ABCA7: variants seen among roughly 807,000 people sequenced by gnomAD.
The protein encoded by ABCA7 is phospholipid-transporting ATPase ABCA7.
ABCA7 carries 261 observed loss-of-function variants against 227.6 expected under a neutral mutation model. The observed-to-expected ratio is 1.15, with a 90% CI of 1.04 to 1.27. ABCA7 has a LOEUF of 1.27. Among genes scored for constraint, ABCA7 ranks in the 50% most tolerant of loss-of-function variants. ABCA7 has a pLI of 0.00. For synonymous variants in ABCA7, 1,488 were observed against 1,279.7 expected (o/e 1.16, Z -3.47); for missense variants, 3,331 against 2,924.5 (o/e 1.14, Z -3.21).
chr19:1,046,817 G>A lies in ABCA7; in HGVS notation c.1638G>A (p.Leu546=), dbSNP rs1478094094. 2.0e-6 allele frequency: 3 copies of A among 1,538,282 alleles called. No individual in the cohort carries two copies. In the South Asian group the frequency reaches 3.6e-5, roughly 18 times the overall value. The change falls in exon 14 of 47, where the codon CTG becomes CTA. Residue 546 remains leucine, a synonymous_variant. Transcript: ENST00000263094. ...CYVDDVFLRV[L]SRSLPLFLTL... ...CCCACCCCAGGTTCCTGCGTGTGCT[G>A]AGCCGGTCGCTGCCGCTCTTCCTGA...
intron 12 of ABCA7, 73 bp downstream of exon 12, chr19:1,045,304 C>T: frequency 7.3e-7 from 1 of 1,374,404 alleles, no homozygotes; most frequent in South Asian, 1.3e-5. Flanking sequence ...GGCCAGGCAG[C>T]ATTCAGCCTA....
At chr19:1,059,770 G>A (rs1178849463) in intron 40 of ABCA7, among the ~76,000 whole-genome samples, 1 of 151,316 alleles carries the variant, frequency 6.6e-6, no homozygotes, top group African/African-American at 2.4e-5. Flanking sequence ...CACCATATTA[G>A]CCAGGATGGT....
At position 1,043,435 on chromosome 19, in the gene ABCA7, G is replaced by A; in HGVS notation, c.892G>A (p.Ala298Thr). The change falls in exon 9 of 47, where the codon GCA becomes ACA. Residue 298 changes from alanine (A) to threonine (T), a missense_variant. Ala to Thr is a moderately conservative substitution (Grantham distance 58). Coordinates refer to ENST00000263094, the MANE Select transcript of ABCA7 (RefSeq NM_019112.4). ...TCTGATCCTCGGGAAGCTACTCTTTGCACCAGATACACCTTTTACCCGGAA... is the reference window on the plus strand; with the variant it reads ...TCTGATCCTCGGGAAGCTACTCTTTACACCAGATACACCTTTTACCCGGAA... ...KPLILGKLLF[A>T]PDTPFTRKLM... 1 of 1,613,418 alleles carries A rather than the reference G, an allele frequency of 6.2e-7. No individual in the cohort carries two copies. The highest frequency in any genetic ancestry group is 8.5e-7 in the Non-Finnish European group (1 of 1,180,028).
rs757196855 is a variant in ABCA7 at position 1,057,933 on chromosome 19, C to T, written c.4899C>T (p.Leu1633=). ...CCTTCAGCTGGTCGATCACACCGCT[C>T]ATGTACCCAGCCTCCTTCTTCTTCT... ...LLLYGWSITP[L]MYPASFFFSV... is the part of the protein sequence containing the mutation. The change falls in exon 36 of 47, where the codon CTC becomes CTT. Residue 1633 remains leucine, a synonymous_variant. Transcript: ENST00000263094. The T allele has an allele frequency of 4.3e-6, 7 of 1,614,078 alleles. No homozygotes were observed. The highest frequency in any genetic ancestry group is 1.6e-4 in the Middle Eastern group (1 of 6,062).
chr19:1,051,396 C>G (rs1431565461), intron 20 of ABCA7, 53 bp from the exon 21 acceptor site: 4 of 716,234 alleles, frequency 5.6e-6, no homozygotes, highest in Admixed American at 8.5e-5. Context: ...GGGTAGGCAA[C>G]CTTGCCCAAG....
In ABCA7 at chr19:1,064,801, G is replaced by T. The variant is rs565880304; in HGVS notation, c.6045-130G>T. ...GCGGGGGGTGGCGGGGGACTGAGAC[G>T]GGAGGACCACTTGATCGCTAGGGTA... is the stretch of plus-strand genomic sequence containing the variant. On this transcript the variant is annotated intron_variant, in intron 45 of 46. Transcript: ENST00000263094. The T allele has an allele frequency of 8.0e-6, 11 of 1,380,772 alleles. No homozygotes were observed. In the South Asian group the frequency reaches 1.7e-4, roughly 22 times the overall value. The allele number at this position is 1,380,772 out of a possible 1,614,324, so 85.5% of individuals were successfully genotyped here.
intron 25 of ABCA7, 49 bp downstream of exon 25, chr19:1,053,885 G>GAGGCCAGGTCCCCATCCCTGGCTT (rs1366897810): frequency 1.6e-5 from 25 of 1,597,024 alleles, no homozygotes; most frequent in Non-Finnish European, 2.1e-5. Context: ...AGTGGGACCA[G>GAGGCCAGGTCCCCATCCCTGGCTT]AGGCCAGGTC....
chr19:1,064,416 A>G (rs931315853), intron 45 of ABCA7, among the ~76,000 whole-genome samples, 163 bp downstream of exon 45: 5 of 151,676 alleles, frequency 3.3e-5, no homozygotes, highest in African/African-American at 1.2e-4. Flanking sequence ...GGGGCGAGAC[A>G]GGCTGGGGTG....
rs776405544 is a variant in ABCA7, at chr19:1,041,907, C to T, written c.237C>T (p.Asn79=). Residue 79 remains asparagine, a synonymous_variant, in exon 4 of 47, where the codon AAC becomes AAT. Transcript: ENST00000263094. Reference sequence around the variant, plus strand: ...AGGGTCTCATCTGTAATGTGAACAACACCTGCTTTCCGCAGCTGACACCGG... The same window carrying T: ...AGGGTCTCATCTGTAATGTGAACAATACCTGCTTTCCGCAGCTGACACCGG... ...WLQGLICNVN[N]TCFPQLTPGE... 1.9e-6 allele frequency: 3 copies of T among 1,601,518 alleles called. No individual in the cohort carries two copies. Among genetic ancestry groups the T allele is most frequent in the Non-Finnish European group, 2.5e-6 (3 of 1,178,716 alleles).
intron 45 of ABCA7, 99 bp from the exon 46 acceptor site, chr19:1,064,832 A>T: frequency 7.0e-7 from 1 of 1,437,908 alleles, no homozygotes; most frequent in Non-Finnish European, 9.1e-7. Context: ...GGGTAGTACA[A>T]GTATGGGGCG....
Position 1,053,459 on chromosome 19 carries a change from C to A in ABCA7, c.3351C>A (p.Phe1117Leu). The change falls in exon 24 of 47, where the codon TTC (phenylalanine) becomes TTA (leucine). Residue 1117 changes from phenylalanine to leucine, a missense_variant. By Grantham distance (22) the Phe-to-Leu change is conservative. Transcript: ENST00000263094. The stretch of plus-strand genomic sequence containing the variant: ...ATGACGGCAGCTTCGCCACACTCTT[C>A]CGAGAGCTAGACACGCGGCTGGCGG... ...GAHDGSFATL[F>L]RELDTRLAEL... The A allele has an allele frequency of 6.3e-7, 1 of 1,599,882 alleles. No individual in the cohort carries two copies. Among genetic ancestry groups the A allele is most frequent in the Non-Finnish European group, 8.5e-7 (1 of 1,175,234 alleles).
rs1339114885 is a variant in ABCA7 at position 1,056,359 on chromosome 19, C to T, written c.4446C>T (p.Ser1482=). Residue 1482 remains serine (S), a synonymous_variant, in exon 33 of 47, where the codon TCC becomes TCT. Transcript: ENST00000263094. This position sits in a 1 kb window ranked among gnomAD's most constrained non-coding sequence, Gnocchi z 4.3. ...GGTTCAACAACAAAGGCTGGCACTC[C>T]ATGGTGGCCTTTGTCAACCGAGCCA... is the stretch of plus-strand genomic sequence containing the variant. The part of the protein sequence containing the change: ...KIWFNNKGWH[S]MVAFVNRASN... 7 of 1,613,402 alleles carry T rather than the reference C, an allele frequency of 4.3e-6. No homozygotes were observed. Among genetic ancestry groups the T allele is most frequent in the Non-Finnish European group, 5.9e-6 (7 of 1,179,986 alleles).
rs2042988421 is a variant in ABCA7, at chr19:1,065,489, A to G, written c.*64A>G. The G allele has an allele frequency of 1.9e-6, 3 of 1,575,988 alleles. No homozygotes were observed. The highest frequency in any genetic ancestry group is 2.6e-6 in the Non-Finnish European group (3 of 1,154,974). On this transcript the variant is annotated 3_prime_UTR_variant, in exon 47 of 47. Transcript: ENST00000263094. ...ATGGCAAGGGCAAGGTAGAGTGCCT[A>G]GGAGCCCTGGACTCAGGCTGGCAGA...
intron 35 of ABCA7, among the ~76,000 whole-genome samples, chr19:1,057,635 C>G (rs74567454): frequency 0.038 from 5,780 of 152,132 alleles, 370 homozygotes; most frequent in African/African-American, 0.13. Flanking sequence ...AGTTCTAAGG[C>G]AGCCCATGCC....
In ABCA7 at chr19:1,048,978, C is replaced by G; in HGVS notation, c.2353C>G (p.Pro785Ala). The change falls in exon 17 of 47, where the codon CCT (proline) becomes GCT (alanine). Residue 785 changes from proline to alanine, a missense_variant. By Grantham distance (27) the Pro-to-Ala change is conservative. Coordinates refer to ENST00000263094, the MANE Select transcript of ABCA7 (RefSeq NM_019112.4). ...ACCTCGGCCCCCCAAGAGTCCAGCC[C>G]CTTGCCCCACCCCGCTGGACCCAAA... Reference protein sequence around the residue: ...CGPRPPKSPAPCPTPLDPKVL... With the variant: ...CGPRPPKSPAACPTPLDPKVL... The G allele has an allele frequency of 6.2e-7, 1 of 1,602,984 alleles. No homozygotes were observed.
At position 1,048,764 on chromosome 19, in the gene ABCA7, G is replaced by C. The variant is rs1225940911; in HGVS notation, c.2270-131G>C. On this transcript the variant is annotated intron_variant, in intron 16 of 46. Coordinates refer to ENST00000263094, the MANE Select transcript of ABCA7 (RefSeq NM_019112.4). The stretch of plus-strand genomic sequence containing the variant: ...GCGGAGCTTGCAGCGAGTCAAAATC[G>C]TGCCACTGCACTCCAGCCTGGGCAA... The C allele has an allele frequency of 3.9e-5, 18 of 466,070 alleles. No homozygotes were observed. In the East Asian group the frequency reaches 3.9e-4, roughly 10 times the overall value. 28.9% of individuals were successfully genotyped at this position (466,070 alleles called of 1,614,324 possible). A position where few individuals can be genotyped will look rare whatever the true frequency, so the allele number is the denominator to read the frequency against.
rs944846122 is a variant in ABCA7, at chr19:1,045,135, C to G, written c.1349C>G (p.Thr450Arg). Residue 450 changes from threonine to arginine, a missense_variant, in exon 12 of 47, where the codon ACA becomes AGA. Coordinates refer to ENST00000263094, the MANE Select transcript of ABCA7 (RefSeq NM_019112.4). The part of the protein sequence containing the change: ...FLGPEDSSDP[T>R]EHPTPDLGPG... ...GGACCTGAGGACTCTTCAGACCCCA[C>G]AGAGCACCCAACCCCAGACCTGGGC... The G allele has an allele frequency of 3.1e-6, 5 of 1,612,934 alleles. No homozygotes were observed. The highest frequency in any genetic ancestry group is 2.7e-5 in the African/African-American group (2 of 74,994).
rs1682599655 is a variant in ABCA7, at chr19:1,050,909, C to A, written c.2553-12C>A. On this transcript the variant is annotated splice_polypyrimidine_tract_variant and intron_variant, in intron 18 of 46. Transcript: ENST00000263094. The stretch of plus-strand genomic sequence containing the variant: ...TGTGAAGGGGGCTACTCTGAGACCC[C>A]TCTATCCACAGGTCCATCTTGAGTG... The A allele has an allele frequency of 6.3e-7, 1 of 1,586,798 alleles. No homozygotes were observed. Among genetic ancestry groups the A allele is most frequent in the Non-Finnish European group, 8.6e-7 (1 of 1,163,622 alleles).
intron 16 of ABCA7, 43 bp downstream of exon 16, chr19:1,047,697 T>C (rs1415452281): frequency 1.3e-6 from 2 of 1,530,514 alleles, no homozygotes; most frequent in South Asian, 1.2e-5. Flanking sequence ...TCGCACCTGC[T>C]TTGCGGGAGG....
Sources: gnomAD v4.1 joint callset for allele counts (sites outside exome capture counted in the v4.1 genomes callset) on GRCh38, gnomAD v4.1.1 for gene constraint, Gnocchi (gnomAD v3.1) non-coding constraint, MANE v1.5 for transcripts, NCBI Gene and HGNC (gene_info 2026-07-23, HGNC 2026-07-21) for gene names.